The following ARMH3 variants were observed in gnomAD, a reference collection of about 807,000 sequenced individuals.
The protein encoded by ARMH3 is armadillo-like helical domain-containing protein 3.
ARMH3 carries 60 observed loss-of-function variants against 99.1 expected under a neutral mutation model. The ratio of observed to expected loss-of-function variants is 0.61; its 90% CI spans 0.49 to 0.75. The LOEUF (loss-of-function observed/expected upper bound fraction) is 0.75. ARMH3 is among the 30% of genes least tolerant of loss of function. ARMH3 has a pLI of 0.00. For synonymous variants in ARMH3, 285 were observed against 292.8 expected (o/e 0.97, Z 0.27); for missense variants, 679 against 843.1 (o/e 0.81, Z 2.41).
At chr10:102,020,715 T>C (rs534642743) in intron 8 of ARMH3, among the ~76,000 whole-genome samples, 2 of 149,596 alleles carry the variant, frequency 1.3e-5, no homozygotes, top group Admixed American at 6.7e-5. Flanking sequence ...TAGCCGAGTA[T>C]TGTGGCAGGT....
intron 24 of ARMH3, among the ~76,000 whole-genome samples, chr10:101,878,177 G>T (rs1264036464): frequency 7.2e-5 from 11 of 152,144 alleles, no homozygotes; most frequent in Admixed American, 7.2e-4. Context: ...AGAATTGCTA[G>T]AACCCAGGAG....
intron 19 of ARMH3, 66 bp downstream of exon 19, chr10:101,990,485 A>C: frequency 7.5e-7 from 1 of 1,333,104 alleles, no homozygotes; most frequent in Non-Finnish European, 1.1e-6. Context: ...CAGACCATGA[A>C]TTTTCTAACA....
chr10:101,966,201 G>A (rs1429811925), intron 20 of ARMH3, among the ~76,000 whole-genome samples: 1 of 148,948 alleles, frequency 6.7e-6, no homozygotes, highest in Non-Finnish European at 1.5e-5. Context: ...CACCTCCCGG[G>A]TTCAAGCGAT....
Position 102,011,403 on chromosome 10 carries a change from C to T in ARMH3, c.831+320G>A, listed in dbSNP as rs568681018. Among the ~76,000 whole-genome samples the T allele has an allele frequency of 9.9e-5, 15 of 152,132 alleles. 1 individual carries two copies. Among genetic ancestry groups the T allele is most frequent in the Admixed American group, 2.6e-4 (4 of 15,258 alleles). On this transcript the variant is annotated intron_variant, in intron 11 of 25. Coordinates refer to ENST00000370033, the MANE Select transcript of ARMH3 (RefSeq NM_024541.3). ...AAGCAAATTCTGGCTTAATGTGTAC[C>T]TTTTCTTTAGCCTTTAAAAAATTAA...
At chr10:102,025,384 T>TA (rs2066978453) in intron 5 of ARMH3, 136 bp from the exon 6 acceptor site, 1 of 630,204 alleles carries the variant, frequency 1.6e-6, no homozygotes, top group South Asian at 2.8e-5. Context: ...GCCCAGAACT[T>TA]ACAAGATTAA....
chr10:101,916,768 A>G (rs1590018016), intron 23 of ARMH3, among the ~76,000 whole-genome samples: 1 of 152,320 alleles, frequency 6.6e-6, no homozygotes, highest in East Asian at 1.9e-4. Flanking sequence ...ACCCTCACCA[A>G]TATAAGCAGC....
At chr10:101,973,761 G>A (rs1845874814) in intron 20 of ARMH3, among the ~76,000 whole-genome samples, 1 of 152,218 alleles carries the variant, frequency 6.6e-6, no homozygotes, top group Non-Finnish European at 1.5e-5. Flanking sequence ...AAGGGAATCA[G>A]AAGATGCAGG....
At chr10:101,981,836 G>A (rs1443248846) in intron 19 of ARMH3, among the ~76,000 whole-genome samples, 1 of 151,602 alleles carries the variant, frequency 6.6e-6, no homozygotes, top group Non-Finnish European at 1.5e-5. Context: ...GGCTAGCACG[G>A]TGAAACCCCG....
chr10:101,990,184 T>A (rs1240052341), intron 19 of ARMH3, among the ~76,000 whole-genome samples: 3 of 149,664 alleles, frequency 2.0e-5, no homozygotes, highest in African/African-American at 7.3e-5. Context: ...ACTTTCTTTT[T>A]TTTTTTTTTT....
intron 19 of ARMH3, among the ~76,000 whole-genome samples, chr10:101,975,764 G>A (rs1845968124): frequency 6.6e-6 from 1 of 151,890 alleles, no homozygotes; most frequent in Admixed American, 6.6e-5. Context: ...CTCGGTTGAG[G>A]CAGAAGAATC....
At position 101,959,768 on chromosome 10, in the gene ARMH3, C is replaced by CA. The variant is rs201268839; in HGVS notation, c.1496-2037_1496-2036insT. Among the ~76,000 whole-genome samples the CA allele has an allele frequency of 7.9e-3, 1,210 of 152,296 alleles. 8 individuals carry two copies. Among genetic ancestry groups the CA allele is most frequent in the Middle Eastern group, 0.031 (9 of 294 alleles). ...GAGCCAGAGTATTGAAAGGGAGAGT[C>CA]CAGTACCACAATACTCTGAGAGTCA... On this transcript the variant is annotated intron_variant, in intron 20 of 25. Transcript: ENST00000370033.
At chr10:102,044,263 G>A (rs2067491978) in intron 1 of ARMH3, among the ~76,000 whole-genome samples, 1 of 151,826 alleles carries the variant, frequency 6.6e-6, no homozygotes, top group Non-Finnish European at 1.5e-5. Flanking sequence ...TTTTAGTAGA[G>A]ACGGAGTTTC....
At chr10:102,032,793 A>G (rs2067162285) in intron 4 of ARMH3, 1 of 456,122 alleles carries the variant, frequency 2.2e-6, no homozygotes, top group East Asian at 3.6e-5. Flanking sequence ...TCTGTCTAAG[A>G]ATCTACTTTA....
intron 24 of ARMH3, among the ~76,000 whole-genome samples, chr10:101,861,874 T>G (rs1393237237): frequency 1.8e-5 from 1 of 55,498 alleles, no homozygotes; most frequent in African/African-American, 7.2e-5. Context: ...CTACTAAAAA[T>G]ACCAAAAAAA....
intron 19 of ARMH3, among the ~76,000 whole-genome samples, chr10:101,980,222 C>G (rs147693885): frequency 6.6e-6 from 1 of 152,276 alleles, no homozygotes; most frequent in Non-Finnish European, 1.5e-5. Flanking sequence ...CTATAAAGTT[C>G]CTAGAAAACT....
Position 101,963,231 on chromosome 10 carries a change from C to T in ARMH3, c.1496-5499G>A, listed in dbSNP as rs576265715. 3.3e-5 allele frequency among the ~76,000 whole-genome samples: 5 copies of T among 152,112 alleles called. No homozygotes were observed. The East Asian group carries it at 9.7e-4, about 29-fold the overall frequency. Reference sequence around the variant, plus strand: ...GATCATGGCTCACTGCAACCTCCACCTCCCGGGTTCAAGCCATTCTCCTGC... The same window carrying T: ...GATCATGGCTCACTGCAACCTCCACTTCCCGGGTTCAAGCCATTCTCCTGC... On this transcript the variant is annotated intron_variant, in intron 20 of 25. Transcript: ENST00000370033.
chr10:101,956,217 C>T (rs1845029327), intron 22 of ARMH3, among the ~76,000 whole-genome samples: 1 of 152,156 alleles, frequency 6.6e-6, no homozygotes, highest in Admixed American at 6.5e-5. Flanking sequence ...ACTAAGATTC[C>T]TTAAAATCCT....
chr10:101,955,599 C>G (rs940132778), intron 22 of ARMH3, among the ~76,000 whole-genome samples: 12 of 152,300 alleles, frequency 7.9e-5, no homozygotes, highest in African/African-American at 2.6e-4. Flanking sequence ...GGTACTTTTT[C>G]CAAATCCTCT....
intron 24 of ARMH3, among the ~76,000 whole-genome samples, chr10:101,887,986 G>A (rs2067594139): frequency 6.6e-6 from 1 of 150,898 alleles, no homozygotes; most frequent in Non-Finnish European, 1.5e-5. Context: ...TACTGCTGGA[G>A]AAAGATTTCA....
Sources: allele counts gnomAD v4.1 joint callset (sites outside exome capture counted in the v4.1 genomes callset), GRCh38; gene constraint gnomAD v4.1.1; transcripts MANE v1.5; gene names NCBI Gene and HGNC (gene_info 2026-07-23, HGNC 2026-07-21).